PTPN22: variants seen among roughly 807,000 people sequenced by gnomAD.
PTPN22 encodes the protein protein tyrosine phosphatase non-receptor type 22.
PTPN22 carries 85 observed loss-of-function variants against 103.3 expected under a neutral mutation model. The observed-to-expected ratio is 0.82, with a 90% confidence interval of 0.69 to 0.99. The LOEUF (loss-of-function observed/expected upper bound fraction) is 0.99, where lower values mean the gene tolerates loss of function less well. PTPN22 is among the 50% of genes least tolerant of loss of function. The pLI, the probability that PTPN22 is intolerant of heterozygous loss-of-function variation, is 0.00. For missense variants in PTPN22, 865 were observed against 936.9 expected (o/e 0.92, Z 1.00); for synonymous variants, 323 against 310.2 (o/e 1.04, Z -0.43).
At chr1:113,814,298 AG>A (rs1184503703) in exon 21 of PTPN22, 10 of 152,320 alleles carry the variant, frequency 6.6e-5, no homozygotes, top group Non-Finnish European at 1.2e-4. Context: ...TCAGGATTTC[AG>A]TTGAATTCCT....
chr1:113,816,069 A>G (rs571995417), intron 20 of PTPN22, among the ~76,000 whole-genome samples: 1 of 152,370 alleles, frequency 6.6e-6, no homozygotes, highest in South Asian at 2.1e-4. Flanking sequence ...GGGGAATAAT[A>G]AAATGAAAAA....
intron 10 of PTPN22, among the ~76,000 whole-genome samples, chr1:113,850,363 C>G (rs1019477515): frequency 6.6e-6 from 1 of 152,206 alleles, no homozygotes; most frequent in Non-Finnish European, 1.5e-5. Flanking sequence ...GAAAAAACAG[C>G]TACAACTGTC....
intron 11 of PTPN22, among the ~76,000 whole-genome samples, chr1:113,843,933 A>G (rs374857867): frequency 9.2e-5 from 14 of 152,132 alleles, no homozygotes; most frequent in East Asian, 7.7e-4. Flanking sequence ...TGTGTTTGAG[A>G]AAATAATCCA....
chr1:113,849,437 ACCTGAAAGGGCCTATTCAGGGTTTTC>A (rs570252755), intron 10 of PTPN22, among the ~76,000 whole-genome samples: 421 of 152,288 alleles, frequency 2.8e-3, no homozygotes, highest in Non-Finnish European at 5.1e-3. Context: ...TCAGGGTTTT[ACCTGAAAGGGCCTATTCAGGGTTTTC>A]CCTGACACTT....
Position 113,848,528 on chromosome 1 carries a change from T to C in PTPN22, c.915+12A>G, listed in dbSNP as rs1392225050. ...AAAATTTTTTTGACATAATATCTAG[T>C]TTAAATTTTACCTCTGTTCCAGAAT... On this transcript the variant is annotated intron_variant, in intron 11 of 20. Transcript: ENST00000359785. The C allele has an allele frequency of 6.2e-7, 1 of 1,610,900 alleles. No homozygotes were observed. The highest frequency in any genetic ancestry group is 1.3e-5 in the African/African-American group (1 of 74,782).
chr1:113,843,244 A>G (rs1663758779), intron 11 of PTPN22, among the ~76,000 whole-genome samples: 1 of 151,954 alleles, frequency 6.6e-6, no homozygotes, highest in African/African-American at 2.4e-5. Flanking sequence ...CAAAAAGTGG[A>G]AGGAACTCAA....
At chr1:113,852,669 G>A (rs935039973) in intron 9 of PTPN22, among the ~76,000 whole-genome samples, 3 of 152,160 alleles carry the variant, frequency 2.0e-5, no homozygotes, top group African/African-American at 7.2e-5. Flanking sequence ...TCAATGGGGT[G>A]GGGCCCAGTA....
Position 113,830,016 on chromosome 1 carries a change from A to T in PTPN22, c.2067T>A (p.Asp689Glu), listed in dbSNP as rs748612973. 12 of 1,601,222 alleles carry T rather than the reference A, an allele frequency of 7.5e-6. No homozygotes were observed. In the South Asian group the frequency reaches 1.3e-4, roughly 18 times the overall value. The stretch of plus-strand genomic sequence containing the variant: ...GGAGAGGAGGTGGGGGAGAAGAACG[A>T]TCTTGATGTAGTTCTGTGATAAGAA... The change falls in exon 17 of 21, where the codon GAT becomes GAA. Residue 689 changes from aspartate (D) to glutamate (E), a missense_variant. Asp to Glu is a conservative substitution (Grantham distance 45, BLOSUM62 2). Transcript: ENST00000359785.
At chr1:113,824,950 G>A (rs1278332628) in intron 19 of PTPN22, among the ~76,000 whole-genome samples, 192 bp downstream of exon 19, 1 of 121,372 alleles carries the variant, frequency 8.2e-6, no homozygotes, top group African/African-American at 3.1e-5. Flanking sequence ...CCCAATATTA[G>A]TATTGTGAAG....
chr1:113,846,073 T>C (rs981369875), intron 11 of PTPN22, among the ~76,000 whole-genome samples: 1 of 152,218 alleles, frequency 6.6e-6, no homozygotes, highest in African/African-American at 2.4e-5. Context: ...TCTATGCCAG[T>C]CTGGCAATTC....
rs758091734 is a variant in PTPN22, at chr1:113,857,781, G to C, written c.370-5C>G. ...CATGCATGCCATAACAATGATCTGG[G>C]GGATGAAATAGATAGAAACTTAAAC... is the stretch of plus-strand genomic sequence containing the variant. On this transcript the variant is annotated splice_polypyrimidine_tract_variant and splice_region_variant and intron_variant, in intron 4 of 20. Transcript: ENST00000359785. The C allele has an allele frequency of 1.6e-5, 25 of 1,606,982 alleles. No individual in the cohort carries two copies. The highest frequency in any genetic ancestry group is 3.3e-4 in the Middle Eastern group (2 of 6,058).
intron 11 of PTPN22, among the ~76,000 whole-genome samples, chr1:113,841,596 C>CTTT (rs35197593): frequency 8.7e-5 from 12 of 138,602 alleles, no homozygotes; most frequent in South Asian, 2.3e-4. Context: ...GTAAACAACT[C>CTTT]TTTTTTTTTT....
chr1:113,871,540 A>G (rs1666585609), exon 1 of PTPN22: 1 of 1,613,778 alleles, frequency 6.2e-7, no homozygotes, highest in African/African-American at 1.3e-5. Flanking sequence ...GACTCACCAG[A>G]AATTCATTGG....
At chr1:113,858,132 A>G (rs1665236207) in intron 4 of PTPN22, 1 of 199,896 alleles carries the variant, frequency 5.0e-6, no homozygotes. Context: ...ATCTCAGCTT[A>G]CTGCAGTCTC....
chr1:113,814,946 G>A (rs975483413), exon 21 of PTPN22: 4 of 1,607,396 alleles, frequency 2.5e-6, no homozygotes, highest in East Asian at 2.2e-5. Context: ...GGTCCTTTGG[G>A]TTTTGAAAAA....
At position 113,829,939 on chromosome 1, in the gene PTPN22, T is replaced by C; in HGVS notation, c.2134+10A>G. The C allele has an allele frequency of 2.5e-6, 4 of 1,578,838 alleles. No homozygotes were observed. Among genetic ancestry groups the C allele is most frequent in the Non-Finnish European group, 3.5e-6 (4 of 1,148,396 alleles). ...TTATGATTTTTTTGAGAGAAAGTGC[T>C]ACCACTTACAATCTTCATCGGCAAG... On this transcript the variant is annotated intron_variant, in intron 17 of 20. Coordinates refer to ENST00000359785, the Ensembl canonical transcript of PTPN22.
At chr1:113,822,692 T>G (rs1011812884) in intron 19 of PTPN22, among the ~76,000 whole-genome samples, 2 of 152,230 alleles carry the variant, frequency 1.3e-5, no homozygotes, top group African/African-American at 4.8e-5. Flanking sequence ...CCGGGCACAG[T>G]GGCTCACAGC....
chr1:113,830,806 T>C (rs1276029979), intron 16 of PTPN22, among the ~76,000 whole-genome samples: 3 of 152,182 alleles, frequency 2.0e-5, no homozygotes, highest in Non-Finnish European at 4.4e-5. Context: ...AAGCATTTAA[T>C]TATATGGTGC....
chr1:113,819,595 T>C, exon 20 of PTPN22: 2 of 1,607,700 alleles, frequency 1.2e-6, no homozygotes, highest in Non-Finnish European at 1.7e-6. Context: ...AGAAATGAGC[T>C]GGAGTTATTT....
Sources: allele counts gnomAD v4.1 joint callset (sites outside exome capture counted in the v4.1 genomes callset), GRCh38; gene constraint gnomAD v4.1.1; transcripts MANE v1.5; gene names NCBI Gene and HGNC (gene_info 2026-07-23, HGNC 2026-07-21).